The following DRAXIN variants were observed in gnomAD, a reference collection of about 807,000 sequenced individuals.
DRAXIN encodes dorsal repulsive axon guidance protein.
DRAXIN carries 27 observed loss-of-function variants against 33.9 expected under a neutral mutation model. The ratio of observed to expected loss-of-function variants is 0.80; its 90% CI spans 0.59 to 1.10. The LOEUF is 1.10. Among genes scored for constraint, DRAXIN ranks in the 50% least tolerant of loss-of-function variants. The pLI, the probability that DRAXIN is intolerant of heterozygous loss-of-function variation, is 0.00. For synonymous variants in DRAXIN, 178 were observed against 194.0 expected (o/e 0.92, Z 0.69); for missense variants, 371 against 460.8 (o/e 0.81, Z 1.78).
At chr1:11,700,648 T>C (rs186259561) in intron 1 of DRAXIN, among the ~76,000 whole-genome samples, 1 of 152,344 alleles carries the variant, frequency 6.6e-6, no homozygotes, top group East Asian at 1.9e-4. Flanking sequence ...TCGCACGAAT[T>C]TGTCGCTTTG....
At chr1:11,690,750 G>C (rs1251954590), upstream of DRAXIN, among the ~76,000 whole-genome samples, 1 of 152,156 alleles carries the variant, frequency 6.6e-6, no homozygotes, top group Admixed American at 6.5e-5. This position sits in a 1 kb window ranked among gnomAD's most constrained non-coding sequence, Gnocchi z 4.2. Context: ...CCCGTCGTGA[G>C]TTATGGGAGG....
At chr1:11,716,239 A>G (rs1401918824) in intron 6 of DRAXIN, among the ~76,000 whole-genome samples, 4 of 152,176 alleles carry the variant, frequency 2.6e-5, no homozygotes, top group Non-Finnish European at 2.9e-5. Flanking sequence ...ATGAGCGCCC[A>G]TTTCTCATCA....
Position 11,719,609 on chromosome 1 carries a change from C to A in DRAXIN, c.963C>A (p.His321Gln). 1.9e-6 allele frequency: 3 copies of A among 1,613,604 alleles called. No individual in the cohort carries two copies. The highest frequency in any genetic ancestry group is 2.5e-6 in the Non-Finnish European group (3 of 1,179,776). ...VEGLRCYAKF[H>Q]RNRRVTRRKG... ...GGCTGCGCTGCTATGCCAAATTCCA[C>A]CGGAACCGCAGGGTTACACGGAGGA... The change falls in exon 7 of 7, where the codon CAC (histidine) becomes CAA (glutamine). Residue 321 changes from histidine (H) to glutamine (Q), a missense_variant. Coordinates refer to ENST00000294485, the MANE Select transcript of DRAXIN (RefSeq NM_198545.4).
rs368956867 is a variant in DRAXIN, at chr1:11,711,889, G to A, written c.681G>A (p.Thr227=). The part of the protein sequence containing the change: ...QPRSDGEVMP[T]LDMALFDWTD... ...GGTCTGACGGGGAGGTGATGCCCAC[G>A]CTGGACATGGCCTTGTTCGACTGGA... The change falls in exon 4 of 7, where the codon ACG becomes ACA. Residue 227 remains threonine, a synonymous_variant. Transcript: ENST00000294485. 2.4e-5 allele frequency: 38 copies of A among 1,613,714 alleles called. No individual in the cohort carries two copies. The highest frequency in any genetic ancestry group is 3.1e-5 in the Non-Finnish European group (36 of 1,179,926).
intron 5 of DRAXIN, among the ~76,000 whole-genome samples, chr1:11,713,809 G>A (rs999256666): frequency 6.6e-5 from 10 of 152,142 alleles, no homozygotes; most frequent in Non-Finnish European, 1.2e-4. Flanking sequence ...GGGAGGCCGA[G>A]ATGGGTGGAT....
intron 6 of DRAXIN, 142 bp downstream of exon 6, chr1:11,715,350 T>A (rs1570319821): frequency 1.0e-6 from 1 of 984,246 alleles, no homozygotes; most frequent in Non-Finnish European, 1.5e-6. Flanking sequence ...GGGGTGTAGG[T>A]GGGAGAATCC....
rs1447596001 is a variant in DRAXIN at position 11,705,246 on chromosome 1, A to G, written c.-10-1003A>G. 6.6e-6 allele frequency among the ~76,000 whole-genome samples: 1 copy of G among 152,104 alleles called. No individual in the cohort carries two copies. The highest frequency in any genetic ancestry group is 2.4e-5 in the African/African-American group (1 of 41,434). Reference sequence around the variant, plus strand: ...TAGTGCCTAGCTCCAGGATACAGTGAGGTTGGTGCAATGGAGAGGGGTGCG... The same window carrying G: ...TAGTGCCTAGCTCCAGGATACAGTGGGGTTGGTGCAATGGAGAGGGGTGCG... On this transcript the variant is annotated intron_variant, in intron 1 of 6. Transcript: ENST00000294485. The surrounding 1 kb of genome is among the most constrained non-coding windows in gnomAD (Gnocchi z 4.8).
chr1:11,710,281 C>T, intron 3 of DRAXIN, among the ~76,000 whole-genome samples: 1 of 151,786 alleles, frequency 6.6e-6, no homozygotes, highest in East Asian at 1.9e-4. Flanking sequence ...CACTTGAGCC[C>T]AGGAGTTTGA....
At chr1:11,710,140 G>A (rs1463940815) in intron 3 of DRAXIN, among the ~76,000 whole-genome samples, 8 of 146,404 alleles carry the variant, frequency 5.5e-5, no homozygotes, top group African/African-American at 1.5e-4. Flanking sequence ...TGTCAAGATC[G>A]CCCCACTGCA....
chr1:11,718,740 T>C (rs1210978824), intron 6 of DRAXIN, among the ~76,000 whole-genome samples: 2 of 152,206 alleles, frequency 1.3e-5, no homozygotes, highest in African/African-American at 4.8e-5. Flanking sequence ...AGTGCTGGGA[T>C]TACGGGTGTG....
intron 1 of DRAXIN, among the ~76,000 whole-genome samples, chr1:11,698,579 C>T (rs1641227124): frequency 6.6e-6 from 1 of 152,164 alleles, no homozygotes; most frequent in Non-Finnish European, 1.5e-5. Flanking sequence ...AATTGCTGGG[C>T]CCGGGACTCA....
In DRAXIN at chr1:11,706,632, G is replaced by A. The variant is rs746412453; in HGVS notation, c.374G>A (p.Arg125Gln). The part of the protein sequence containing the change: ...LALPYPEKEN[R>Q]PPGWERTRKR... ...TTGCCCTACCCCGAGAAGGAGAACC[G>A]ACCTCCAGGTTGGGAGAGGACCAGG... is the stretch of plus-strand genomic sequence containing the variant. Residue 125 changes from arginine (R) to glutamine (Q), a missense_variant, in exon 2 of 7, where the codon CGA becomes CAA. By Grantham distance (43) the Arg-to-Gln change is conservative. Transcript: ENST00000294485. The surrounding 1 kb of genome is among the most constrained non-coding windows in gnomAD (Gnocchi z 5.5). 1.0e-5 allele frequency: 16 copies of A among 1,600,216 alleles called. No individual in the cohort carries two copies. In the East Asian group the frequency reaches 1.8e-4, roughly 18 times the overall value.
chr1:11,686,694 C>T, the DRAXIN span, among the ~76,000 whole-genome samples: 1 of 151,952 alleles, frequency 6.6e-6, no homozygotes, highest in Non-Finnish European at 1.5e-5. Flanking sequence ...TGAGCCACTG[C>T]GCCCGGCCCA....
intron 3 of DRAXIN, 130 bp from the exon 4 acceptor site, chr1:11,711,721 C>A: frequency 2.5e-6 from 2 of 790,026 alleles, no homozygotes; most frequent in Non-Finnish European, 4.1e-6. Context: ...TGGGCTGAGA[C>A]TCCAGGCTGC....
At chr1:11,718,046 G>A (rs1426486333) in intron 6 of DRAXIN, among the ~76,000 whole-genome samples, 20 of 146,962 alleles carry the variant, frequency 1.4e-4, no homozygotes, top group Admixed American at 2.1e-4. Flanking sequence ...GCTCATGCCT[G>A]TAATCCCATC....
At chr1:11,690,929 AGTGTGT>A (rs57223755), upstream of DRAXIN, among the ~76,000 whole-genome samples, 2 of 150,550 alleles carry the variant, frequency 1.3e-5, no homozygotes, top group Non-Finnish European at 3.0e-5. The surrounding 1 kb of genome is among the most constrained non-coding windows in gnomAD (Gnocchi z 4.2). Context: ...GCCGCGTGTG[AGTGTGT>A]GTGTGTGTGT....
intron 4 of DRAXIN, 74 bp from the exon 5 acceptor site, chr1:11,712,266 A>G (rs1641506091): frequency 6.4e-7 from 1 of 1,552,106 alleles, no homozygotes. Flanking sequence ...TGGGCACTCC[A>G]ACATCTGAGT....
At chr1:11,699,628 G>A (rs141989162) in intron 1 of DRAXIN, among the ~76,000 whole-genome samples, 135 of 152,144 alleles carry the variant, frequency 8.9e-4, no homozygotes, top group African/African-American at 2.3e-3. Flanking sequence ...AAAGCAAACC[G>A]CCGGGCGCAG....
chr1:11,689,183 G>C (rs1570297996), upstream of DRAXIN, among the ~76,000 whole-genome samples: 1 of 150,814 alleles, frequency 6.6e-6, no homozygotes, highest in East Asian at 2.0e-4. Context: ...TGTAACCCCA[G>C]CTAACTGGGA....
Sources: allele counts gnomAD v4.1 joint callset (sites outside exome capture counted in the v4.1 genomes callset), GRCh38; gene constraint gnomAD v4.1.1; non-coding constraint Gnocchi (gnomAD v3.1); transcripts MANE v1.5; gene names NCBI Gene and HGNC (gene_info 2026-07-23, HGNC 2026-07-21).